NELL1: variants seen among roughly 807,000 people sequenced by gnomAD.
NELL1 encodes neural EGFL like 1.
A neutral mutation model predicts 107.4 loss-of-function variants in NELL1; 76 were observed. The ratio of observed to expected loss-of-function variants is 0.71; its 90% CI spans 0.59 to 0.86. NELL1 has a LOEUF of 0.86. Ranked by LOEUF, NELL1 falls within the 40% of genes least tolerant of loss-of-function variation. NELL1 has a pLI of 0.00. For synonymous variants in NELL1, 353 were observed against 341.2 expected, an observed-to-expected ratio of 1.03 and a Z score of -0.38; for missense variants, 1,024 against 1,005.5, an observed-to-expected ratio of 1.02 and a Z score of -0.25.
chr11:20,776,097 A>C (rs1194819551), intron 2 of NELL1, among the ~76,000 whole-genome samples: 1 of 152,198 alleles, frequency 6.6e-6, no homozygotes, highest in African/African-American at 2.4e-5. Context: ...TGTAGTGTAC[A>C]TGTTGGTAGG....
chr11:21,253,251 T>C (rs1858684850), intron 14 of NELL1, among the ~76,000 whole-genome samples: 2 of 152,124 alleles, frequency 1.3e-5, no homozygotes, highest in Admixed American at 1.3e-4. Flanking sequence ...CTTTTCTTTA[T>C]TCCATGATGT....
intron 13 of NELL1, among the ~76,000 whole-genome samples, chr11:21,123,323 G>A (rs1309596382): frequency 7.3e-6 from 1 of 136,928 alleles, no homozygotes; most frequent in Non-Finnish European, 1.6e-5. Context: ...CAAGGAAGAT[G>A]TGTGTGCCTG....
At chr11:20,757,950 A>T (rs1196467809) in intron 2 of NELL1, among the ~76,000 whole-genome samples, 1 of 152,224 alleles carries the variant, frequency 6.6e-6, no homozygotes, top group Non-Finnish European at 1.5e-5. Context: ...GGGTTTCAGC[A>T]TGGTCAGGTT....
chr11:20,898,094 C>T (rs931263302), intron 5 of NELL1, among the ~76,000 whole-genome samples: 1 of 152,180 alleles, frequency 6.6e-6, no homozygotes, highest in Non-Finnish European at 1.5e-5. Context: ...GATTATAAAT[C>T]ATGCTATTAT....
intron 1 of NELL1, chr11:20,671,447 A>G (rs1475559275): frequency 1.3e-5 from 2 of 152,226 alleles, no homozygotes; most frequent in African/African-American, 2.4e-5. Context: ...ATATGCCTAA[A>G]TCCTTTGTTC....
At chr11:21,105,279 G>C (rs1565062315) in intron 12 of NELL1, among the ~76,000 whole-genome samples, 1 of 152,132 alleles carries the variant, frequency 6.6e-6, no homozygotes. Flanking sequence ...GAGAGAGAGA[G>C]GGCCACCAAA....
At chr11:21,324,676 G>A (rs1031131550) in intron 14 of NELL1, among the ~76,000 whole-genome samples, 5 of 151,980 alleles carry the variant, frequency 3.3e-5, no homozygotes, top group African/African-American at 9.7e-5. Flanking sequence ...GCACCTTACC[G>A]TTCAATGGAA....
At chr11:21,424,992 C>G (rs545471509) in intron 15 of NELL1, among the ~76,000 whole-genome samples, 20 of 152,256 alleles carry the variant, frequency 1.3e-4, no homozygotes, top group South Asian at 4.1e-4. Flanking sequence ...AAGACAACTA[C>G]AAACCAGTAT....
At chr11:20,998,415 CT>C (rs1437964767) in intron 12 of NELL1, among the ~76,000 whole-genome samples, 2 of 152,140 alleles carry the variant, frequency 1.3e-5, no homozygotes, top group African/African-American at 4.8e-5. Flanking sequence ...TTTGTTACCC[CT>C]TCTGAAGTTT....
At chr11:21,323,099 T>G (rs1850050654) in intron 14 of NELL1, among the ~76,000 whole-genome samples, 1 of 152,194 alleles carries the variant, frequency 6.6e-6, no homozygotes, top group Non-Finnish European at 1.5e-5. Context: ...ATCACCCATA[T>G]TCGTCTGTAC....
chr11:21,449,015 A>C (rs1239179653), intron 15 of NELL1, among the ~76,000 whole-genome samples: 1 of 152,172 alleles, frequency 6.6e-6, no homozygotes, highest in African/African-American at 2.4e-5. Context: ...ATCTGCTACG[A>C]GTATTAATAA....
chr11:20,694,620 C>G (rs758202363), intron 2 of NELL1, among the ~76,000 whole-genome samples: 17 of 151,924 alleles, frequency 1.1e-4, no homozygotes, highest in Non-Finnish European at 1.9e-4. Flanking sequence ...TTCTATTGGT[C>G]TATGTGCTTG....
chr11:20,942,870 TG>T (rs1335070765), intron 10 of NELL1, among the ~76,000 whole-genome samples: 2 of 152,198 alleles, frequency 1.3e-5, no homozygotes, highest in African/African-American at 4.8e-5. Flanking sequence ...ATGGAAGCTG[TG>T]GGTGACTCTA....
chr11:21,049,594 A>G (rs1194373201), intron 12 of NELL1, among the ~76,000 whole-genome samples: 1 of 152,210 alleles, frequency 6.6e-6, no homozygotes, highest in East Asian at 1.9e-4. Flanking sequence ...GGAACTGCAC[A>G]TAAACACCTT....
chr11:20,914,818 C>T (rs2134153567), intron 5 of NELL1, among the ~76,000 whole-genome samples: 1 of 152,044 alleles, frequency 6.6e-6, no homozygotes, highest in East Asian at 1.9e-4. Flanking sequence ...GTCATATGAC[C>T]AGGTAATCTG....
intron 12 of NELL1, among the ~76,000 whole-genome samples, chr11:21,104,670 T>A (rs575169315): frequency 5.9e-5 from 9 of 152,280 alleles, no homozygotes; most frequent in Non-Finnish European, 7.4e-5. Flanking sequence ...AATCAACACA[T>A]CTGCTTGACG....
chr11:21,354,157 T>G (rs1235288965), intron 14 of NELL1, among the ~76,000 whole-genome samples: 2 of 151,996 alleles, frequency 1.3e-5, no homozygotes, highest in African/African-American at 4.8e-5. Flanking sequence ...ATGGCATATG[T>G]GAGATTTGTG....
chr11:20,913,917 C>G (rs1411246246), intron 5 of NELL1, among the ~76,000 whole-genome samples: 2 of 151,996 alleles, frequency 1.3e-5, no homozygotes, highest in African/African-American at 4.8e-5. Flanking sequence ...GAAAAACTGT[C>G]TTAGCAAATT....
intron 5 of NELL1, among the ~76,000 whole-genome samples, chr11:20,910,503 G>A (rs886412829): frequency 2.0e-5 from 3 of 152,206 alleles, no homozygotes; most frequent in South Asian, 4.1e-4. Context: ...CAGTTTGAGA[G>A]TGTAGGCAGG....
Sources: gnomAD v4.1 joint callset for allele counts (sites outside exome capture counted in the v4.1 genomes callset) on GRCh38, gnomAD v4.1.1 for gene constraint, MANE v1.5 for transcripts, NCBI Gene and HGNC (gene_info 2026-07-23, HGNC 2026-07-21) for gene names.